The following NEGR1 variants were observed in gnomAD, a reference collection of about 807,000 sequenced individuals.
NEGR1 encodes IgLON family member 4.
In NEGR1, 10 loss-of-function variants were observed where a neutral mutation model predicts 40.9. The ratio of observed to expected loss-of-function variants is 0.24; its 90% CI spans 0.15 to 0.42. NEGR1 has a LOEUF of 0.42. Among genes scored for constraint, NEGR1 ranks in the 10% least tolerant of loss-of-function variants. The pLI is 1.00. For synonymous variants in NEGR1, 185 were observed against 166.8 expected, an observed-to-expected ratio of 1.11 and a Z score of -0.84; for missense variants, 352 against 438.9, an observed-to-expected ratio of 0.80 and a Z score of 1.77.
At chr1:71,926,821 A>G (rs12071327) in intron 2 of NEGR1, among the ~76,000 whole-genome samples, 33,351 of 152,070 alleles carry the variant, frequency 0.22, 4,021 homozygotes, top group Admixed American at 0.36. Context: ...CAGACCTTAC[A>G]TTAGGCAATA....
intron 1 of NEGR1, among the ~76,000 whole-genome samples, chr1:72,030,977 A>G (rs1298140310): frequency 2.0e-5 from 3 of 152,226 alleles, no homozygotes. Context: ...TTAAGTCGTA[A>G]GAGTTTATCT....
At chr1:71,922,744 T>G (rs988260297) in intron 2 of NEGR1, among the ~76,000 whole-genome samples, 5 of 152,202 alleles carry the variant, frequency 3.3e-5, no homozygotes, top group Non-Finnish European at 5.9e-5. Context: ...AGATTGAATA[T>G]CTACTCTGAG....
At chr1:71,719,156 G>A (rs1370237351) in intron 3 of NEGR1, among the ~76,000 whole-genome samples, 1 of 152,058 alleles carries the variant, frequency 6.6e-6, no homozygotes, top group South Asian at 2.1e-4. Flanking sequence ...TCTGTGAAAG[G>A]ATCATTTGGG....
chr1:71,657,867 G>A (rs1352096308), intron 4 of NEGR1, among the ~76,000 whole-genome samples: 1 of 152,202 alleles, frequency 6.6e-6, no homozygotes, highest in Non-Finnish European at 1.5e-5. Context: ...AGATTTGGAA[G>A]TAAATTAATA....
At chr1:71,510,181 G>A (rs896359733) in intron 6 of NEGR1, among the ~76,000 whole-genome samples, 1 of 152,184 alleles carries the variant, frequency 6.6e-6, no homozygotes, top group Admixed American at 6.5e-5. Context: ...ACAGCAGTGG[G>A]ATGTTGTATT....
intron 6 of NEGR1, among the ~76,000 whole-genome samples, chr1:71,502,458 T>TC (rs1204331635): frequency 6.6e-6 from 1 of 152,168 alleles, no homozygotes; most frequent in African/African-American, 2.4e-5. Context: ...ATTAAAAGTC[T>TC]CACTTCCGCT....
intron 3 of NEGR1, among the ~76,000 whole-genome samples, chr1:71,752,678 T>C (rs536014413): frequency 1.7e-3 from 259 of 149,588 alleles, no homozygotes; most frequent in Non-Finnish European, 2.1e-3. Flanking sequence ...AGGAAATATC[T>C]CCCCGGTCTA....
intron 2 of NEGR1, among the ~76,000 whole-genome samples, chr1:71,816,110 T>A (rs549732831): frequency 9.4e-4 from 143 of 152,196 alleles, no homozygotes; most frequent in African/African-American, 3.3e-3. Context: ...GCAGTAAAAT[T>A]TAAGTATTTG....
At chr1:72,214,379 G>C (rs980386771) in intron 1 of NEGR1, among the ~76,000 whole-genome samples, 2 of 152,120 alleles carry the variant, frequency 1.3e-5, no homozygotes, top group African/African-American at 4.8e-5. Flanking sequence ...AATCAGGCAA[G>C]AGAATGAAAT....
intron 6 of NEGR1, among the ~76,000 whole-genome samples, chr1:71,432,779 C>T (rs1334001067): frequency 6.6e-6 from 1 of 152,152 alleles, no homozygotes; most frequent in Non-Finnish European, 1.5e-5. Context: ...ATTATTCTCC[C>T]CCACCTTATA....
intron 1 of NEGR1, among the ~76,000 whole-genome samples, chr1:72,079,233 A>C (rs1223298563): frequency 1.3e-5 from 2 of 151,780 alleles, no homozygotes; most frequent in Non-Finnish European, 2.9e-5. Flanking sequence ...AGTTTATTTA[A>C]GAATATAGCT....
intron 6 of NEGR1, among the ~76,000 whole-genome samples, chr1:71,507,163 A>C (rs1027243070): frequency 3.3e-5 from 5 of 152,224 alleles, no homozygotes; most frequent in African/African-American, 1.2e-4. Context: ...AACACTGTAA[A>C]AGCTGTAGGA....
At chr1:71,739,698 A>G (rs965909962) in intron 3 of NEGR1, among the ~76,000 whole-genome samples, 16 of 152,144 alleles carry the variant, frequency 1.1e-4, no homozygotes, top group African/African-American at 3.6e-4. Context: ...CACTCAAGCA[A>G]TAAAAAGTTT....
At chr1:71,585,873 G>A (rs776258202) in intron 6 of NEGR1, among the ~76,000 whole-genome samples, 6 of 151,876 alleles carry the variant, frequency 4.0e-5, no homozygotes, top group African/African-American at 1.5e-4. Context: ...AGTTATTCAG[G>A]TTATATAGAT....
chr1:72,184,027 T>C (rs1652511561), intron 1 of NEGR1, among the ~76,000 whole-genome samples: 1 of 152,090 alleles, frequency 6.6e-6, no homozygotes, highest in South Asian at 2.1e-4. Context: ...AGAACTGTAA[T>C]TGAACAGCCG....
At chr1:71,781,443 T>C (rs1441765614) in intron 2 of NEGR1, among the ~76,000 whole-genome samples, 1 of 152,214 alleles carries the variant, frequency 6.6e-6, no homozygotes, top group Non-Finnish European at 1.5e-5. Context: ...TCTGGATAGT[T>C]GCACTGGCTC....
intron 1 of NEGR1, among the ~76,000 whole-genome samples, chr1:71,974,792 T>A (rs1457448950): frequency 6.6e-6 from 1 of 152,210 alleles, no homozygotes; most frequent in African/African-American, 2.4e-5. Context: ...TATGACAGAC[T>A]AATGCAGGTG....
chr1:72,213,887 C>G (rs1484321320), intron 1 of NEGR1, among the ~76,000 whole-genome samples: 1 of 152,012 alleles, frequency 6.6e-6, no homozygotes, highest in Non-Finnish European at 1.5e-5. Context: ...CATCCTGATA[C>G]CAAATCCTGG....
At chr1:71,680,783 A>G (rs542503269) in intron 4 of NEGR1, among the ~76,000 whole-genome samples, 1 of 152,202 alleles carries the variant, frequency 6.6e-6, no homozygotes, top group Non-Finnish European at 1.5e-5. Flanking sequence ...TATAGTTAAT[A>G]TTTATTAAAG....
Sources: allele counts gnomAD v4.1 joint callset (sites outside exome capture counted in the v4.1 genomes callset), GRCh38; gene constraint gnomAD v4.1.1; transcripts MANE v1.5; gene names NCBI Gene and HGNC (gene_info 2026-07-23, HGNC 2026-07-21).